The following ARID1B variants were observed in gnomAD, a reference collection of about 807,000 sequenced individuals.
The protein encoded by ARID1B is AT-rich interaction domain 1B, also known as AT-rich interactive domain-containing protein 1B.
Under a neutral mutation model 212.3 loss-of-function variants are expected in ARID1B, and 30 were observed. The ratio of observed to expected loss-of-function variants is 0.14; its 90% CI spans 0.11 to 0.19. The LOEUF (loss-of-function observed/expected upper bound fraction) is 0.19. Among genes scored for constraint, ARID1B ranks in the 10% least tolerant of loss-of-function variants. ARID1B has a pLI of 1.00. For missense variants in ARID1B, 2,891 were observed against 3,204.0 expected, an observed-to-expected ratio of 0.90 and a Z score of 2.36; for synonymous variants, 1,402 against 1,301.7, an observed-to-expected ratio of 1.08 and a Z score of -1.66.
intron 2 of ARID1B, among the ~76,000 whole-genome samples, chr6:156,889,326 A>G (rs577593254): frequency 6.6e-6 from 1 of 152,356 alleles, no homozygotes; most frequent in Non-Finnish European, 1.5e-5. Context: ...GACTTTATAG[A>G]TCTGTGGTAT....
At chr6:156,996,239 T>C (rs1334904076) in intron 4 of ARID1B, among the ~76,000 whole-genome samples, 1 of 152,204 alleles carries the variant, frequency 6.6e-6, no homozygotes, top group Admixed American at 6.5e-5. Context: ...GCAAAAACTG[T>C]AAGGAATGGC....
intron 1 of ARID1B, among the ~76,000 whole-genome samples, chr6:156,820,444 AAC>A (rs1303237955): frequency 6.6e-6 from 1 of 152,230 alleles, no homozygotes; most frequent in African/African-American, 2.4e-5. Flanking sequence ...CCTTGAAATT[AAC>A]AGTCTGCTGG....
At chr6:157,010,400 G>A (rs943486192) in intron 4 of ARID1B, among the ~76,000 whole-genome samples, 2 of 149,676 alleles carry the variant, frequency 1.3e-5, no homozygotes, top group Admixed American at 1.4e-4. Context: ...TTGGCTCACT[G>A]CAACCTCCAC....
chr6:157,013,229 A>C (rs1050785175), intron 4 of ARID1B, among the ~76,000 whole-genome samples: 5 of 152,216 alleles, frequency 3.3e-5, no homozygotes, highest in Non-Finnish European at 7.3e-5. Flanking sequence ...TGCCTAAGGC[A>C]CTTTGAAGGC....
At chr6:157,204,637 C>A (rs1411818996) in intron 19 of ARID1B, 1 of 152,182 alleles carries the variant, frequency 6.6e-6, no homozygotes, top group Non-Finnish European at 1.5e-5. Flanking sequence ...AAGCCTACTA[C>A]TTTTAATGAG....
rs2128376968 is a variant in ARID1B at position 157,201,437 on chromosome 6, G to A, written c.5212G>A (p.Ala1738Thr). Residue 1738 changes from alanine (A) to threonine (T), a missense_variant, in exon 18 of 20, where the codon GCA becomes ACA. Ala to Thr is a moderately conservative substitution (Grantham distance 58). This residue lies in a region of ARID1B where 666 missense variants were observed against 873.5 expected (regional missense o/e 0.76). Transcript: ENST00000636930. The surrounding 1 kb of genome is among the most constrained non-coding windows in gnomAD (Gnocchi z 5.2). ...EITFPPGSVEASQPVLKQRRK... is the reference protein window; with the variant it reads ...EITFPPGSVETSQPVLKQRRK... ...CACCTTTCCTCCTGGCTCAGTAGAA[G>A]CATCACAACCAGTCTTGAAACAAAG... The A allele has an allele frequency of 6.5e-7, 1 of 1,544,274 alleles. No homozygotes were observed. The highest frequency in any genetic ancestry group is 8.7e-7 in the Non-Finnish European group (1 of 1,143,072).
chr6:156,950,134 G>A (rs1562505520), intron 4 of ARID1B, among the ~76,000 whole-genome samples: 1 of 152,186 alleles, frequency 6.6e-6, no homozygotes, highest in African/African-American at 2.4e-5. Flanking sequence ...AGTGATTGGG[G>A]TTCACCCTCC....
rs898644248 is a variant in ARID1B at position 157,091,142 on chromosome 6, A to G, written c.2491+6237A>G. On this transcript the variant is annotated intron_variant, in intron 5 of 19. Coordinates refer to ENST00000636930, the MANE Select transcript of ARID1B (RefSeq NM_001374828.1). ...CGTCCTCCTACGCCACAAAGCACCA[A>G]TTCCTTTATAGTGGAGCCTAATTCT... Among the ~76,000 whole-genome samples the G allele has an allele frequency of 1.4e-4, 21 of 152,114 alleles. 1 individual carries two copies. The highest frequency in any genetic ancestry group is 4.1e-4 in the South Asian group (2 of 4,824).
intron 2 of ARID1B, among the ~76,000 whole-genome samples, chr6:156,896,667 T>G (rs1347533174): frequency 6.9e-6 from 1 of 144,664 alleles, no homozygotes; most frequent in Non-Finnish European, 1.5e-5. Flanking sequence ...GATCACGAGG[T>G]CAAGAGATCG....
At chr6:157,000,933 G>A (rs1051694517) in intron 4 of ARID1B, among the ~76,000 whole-genome samples, 1 of 151,940 alleles carries the variant, frequency 6.6e-6, no homozygotes, top group African/African-American at 2.4e-5. Flanking sequence ...GACCTCAAGT[G>A]ATCCATCTGC....
chr6:157,117,509 G>A (rs1583335300), intron 6 of ARID1B, among the ~76,000 whole-genome samples: 1 of 152,094 alleles, frequency 6.6e-6, no homozygotes, highest in Admixed American at 6.5e-5. Context: ...CCTGCAATCA[G>A]GGGAAAAAGA....
intron 5 of ARID1B, among the ~76,000 whole-genome samples, chr6:157,105,205 T>C (rs951514216): frequency 2.6e-5 from 4 of 152,080 alleles, no homozygotes; most frequent in African/African-American, 4.8e-5. Context: ...AAAAAAAACA[T>C]GTATGTACTC....
Position 156,778,335 on chromosome 6 carries a change from A to G in ARID1B, c.655A>G (p.Asn219Asp), listed in dbSNP as rs1451768952. The part of the protein sequence containing the change: ...QQQQQQHPIS[N>D]NNSLGGAGGG... ...GCAGCAACAGCAACATCCCATTTCCAACAACAACAGCTTGGGCGGCGCGGG... is the reference window on the plus strand; with the variant it reads ...GCAGCAACAGCAACATCCCATTTCCGACAACAACAGCTTGGGCGGCGCGGG... The change falls in exon 1 of 20, where the codon AAC becomes GAC. Residue 219 changes from asparagine to aspartate, a missense_variant. Asn to Asp is a conservative substitution (Grantham distance 23). Transcript: ENST00000636930. The G allele has an allele frequency of 6.5e-7, 1 of 1,541,842 alleles. No homozygotes were observed.
intron 6 of ARID1B, among the ~76,000 whole-genome samples, chr6:157,130,010 AG>A (rs1788432455): frequency 6.6e-6 from 1 of 152,150 alleles, no homozygotes; most frequent in African/African-American, 2.4e-5. Flanking sequence ...CTCTACTAAA[AG>A]TACAAAAATC....
intron 4 of ARID1B, among the ~76,000 whole-genome samples, chr6:156,971,350 C>T (rs947697636): frequency 6.6e-6 from 1 of 152,146 alleles, no homozygotes; most frequent in Non-Finnish European, 1.5e-5. Flanking sequence ...TGTTCTTCAG[C>T]CTCAAGTTAT....
At chr6:156,929,914 CT>C (rs11347657) in intron 3 of ARID1B, among the ~76,000 whole-genome samples, 44,599 of 147,482 alleles carry the variant, frequency 0.3, 8,864 homozygotes, top group African/African-American at 0.58. Context: ...CTCTTAAATT[CT>C]TTTTTTTTTT....
intron 2 of ARID1B, among the ~76,000 whole-genome samples, chr6:156,879,302 ATGGAACC>A (rs1786853765): frequency 6.6e-6 from 1 of 152,240 alleles, no homozygotes; most frequent in African/African-American, 2.4e-5. Context: ...TGTCATTCAA[ATGGAACC>A]TGTGCTTTGG....
In ARID1B at chr6:157,206,317, G is replaced by A. The variant is rs756610931; in HGVS notation, c.5545G>A (p.Asp1849Asn). ...ARKDDSQSLA[D>N]DSGKEEEDAE... is the part of the protein sequence containing the mutation. ...GAAGGATGACAGCCAGTCCTTGGCA[G>A]ACGATTCTGGGAAAGAGGAGGAAGA... The change falls in exon 20 of 20, where the codon GAC becomes AAC. Residue 1849 changes from aspartate to asparagine, a missense_variant. Asp to Asn is a conservative substitution (Grantham distance 23). Coordinates refer to ENST00000636930, the MANE Select transcript of ARID1B (RefSeq NM_001374828.1). The surrounding 1 kb of genome is among the most constrained non-coding windows in gnomAD (Gnocchi z 6.8). 24 of 1,614,100 alleles carry A rather than the reference G, an allele frequency of 1.5e-5. No homozygotes were observed. In the East Asian group the frequency reaches 5.1e-4, roughly 34 times the overall value.
intron 6 of ARID1B, among the ~76,000 whole-genome samples, chr6:157,123,720 T>C (rs1452036087): frequency 6.6e-6 from 1 of 152,248 alleles, no homozygotes; most frequent in Non-Finnish European, 1.5e-5. Flanking sequence ...AAATGGTGGA[T>C]TGCATTAAAA....
Sources: gnomAD v4.1 joint callset for allele counts (sites outside exome capture counted in the v4.1 genomes callset) on GRCh38, gnomAD v4.1.1 for gene constraint, gnomAD v4.1.1 regional missense constraint, Gnocchi (gnomAD v3.1) non-coding constraint, MANE v1.5 for transcripts, NCBI Gene and HGNC (gene_info 2026-07-23, HGNC 2026-07-21) for gene names.